Variants in MBD1 observed in about 807,000 individuals in gnomAD.
The protein encoded by MBD1 is methyl-CpG-binding domain protein 1.
A neutral mutation model predicts 82.6 loss-of-function variants in MBD1; 25 were observed. The observed-to-expected ratio is 0.30, with a 90% CI of 0.22 to 0.42. The LOEUF (loss-of-function observed/expected upper bound fraction) is 0.42. Ranked by LOEUF, MBD1 falls within the 10% of genes least tolerant of loss-of-function variation. MBD1 has a pLI of 1.00. For synonymous variants in MBD1, 301 were observed against 303.7 expected, an observed-to-expected ratio of 0.99 and a Z score of 0.09; for missense variants, 627 against 819.6, an observed-to-expected ratio of 0.76 and a Z score of 2.87.
At chr18:50,271,837 A>T (rs1428110206) in intron 15 of MBD1, among the ~76,000 whole-genome samples, 1 of 152,178 alleles carries the variant, frequency 6.6e-6, no homozygotes, top group Non-Finnish European at 1.5e-5. Context: ...TTGGCCAAGT[A>T]TAGATGAAAG....
intron 16 of MBD1, 94 bp downstream of exon 16, chr18:50,271,375 G>A (rs2035453248): frequency 1.2e-6 from 2 of 1,606,142 alleles, no homozygotes; most frequent in Admixed American, 1.7e-5. Context: ...TTTCCTCCTA[G>A]GGTTGATTCA....
At chr18:50,281,143 C>G in intron 1 of MBD1, 2 of 1,532,572 alleles carry the variant, frequency 1.3e-6, no homozygotes, top group Non-Finnish European at 1.7e-6. Flanking sequence ...CGTCCTCGTC[C>G]CAGGATCCCG....
intron 8 of MBD1, 51 bp downstream of exon 8, chr18:50,275,549 A>C (rs774630428): frequency 9.9e-6 from 16 of 1,613,812 alleles, no homozygotes; most frequent in African/African-American, 1.3e-5. Flanking sequence ...AAGCAGAGGC[A>C]GCGACGATTT....
chr18:50,274,932 C>T (rs367596013), intron 10 of MBD1, 45 bp downstream of exon 10: 46 of 1,596,186 alleles, frequency 2.9e-5, no homozygotes, highest in East Asian at 1.3e-4. Flanking sequence ...GTTAACCAAG[C>T]GTCCTGAGAT....
At chr18:50,277,970 T>A (rs1387040111) in intron 2 of MBD1, among the ~76,000 whole-genome samples, 2 of 152,226 alleles carry the variant, frequency 1.3e-5, no homozygotes. Context: ...AGTAATACAG[T>A]AATTCCCCCT....
downstream of MBD1, among the ~76,000 whole-genome samples, chr18:50,267,905 T>C (rs1161281411): frequency 6.6e-6 from 1 of 152,282 alleles, no homozygotes; most frequent in Non-Finnish European, 1.5e-5. Flanking sequence ...TTCCATTTCC[T>C]GAATTGCTGG....
chr18:50,269,866 G>T, intron 16 of MBD1, 48 bp from the exon 17 acceptor site: 1 of 905,204 alleles, frequency 1.1e-6, no homozygotes, highest in Non-Finnish European at 1.9e-6. Flanking sequence ...TACAGAGACT[G>T]TTTAACCAGC....
At chr18:50,277,515 G>A (rs896747042) in intron 2 of MBD1, among the ~76,000 whole-genome samples, 12 of 151,220 alleles carry the variant, frequency 7.9e-5, no homozygotes, top group African/African-American at 2.2e-4. Flanking sequence ...TTATATTTGT[G>A]TTATATATAT....
chr18:50,273,296 C>T (rs770988365), intron 13 of MBD1, 38 bp downstream of exon 13: 14 of 1,612,364 alleles, frequency 8.7e-6, no homozygotes, highest in Admixed American at 3.3e-5. Context: ...CAGACCACTC[C>T]GCTACGGCAC....
In MBD1 at chr18:50,275,158, G is replaced by C. The variant is rs767316018; in HGVS notation, c.880C>G (p.Pro294Ala). 4.3e-6 allele frequency: 7 copies of C among 1,614,130 alleles called. No individual in the cohort carries two copies. The highest frequency in any genetic ancestry group is 5.9e-6 in the Non-Finnish European group (7 of 1,180,008). The change falls in exon 9 of 17, where the codon CCA (proline) becomes GCA (alanine). Residue 294 changes from proline (P) to alanine (A), a missense_variant. Around this residue, in one of 6 missense-constraint regions of MBD1, gnomAD observed 228 missense variants for 318.1 expected, o/e 0.72. Transcript: ENST00000269468. Reference protein sequence around the residue: ...PGAQPLPPPPPSQSPEPTEPH... With the variant: ...PGAQPLPPPPASQSPEPTEPH... ...TCTGTGGGCTCTGGGGACTGTGATG[G>C]GGGTGGTGGAGGCAGTGGCTGGGCT...
At position 50,276,883 on chromosome 18, in the gene MBD1, T is replaced by C. The variant is rs1568247196; in HGVS notation, c.341A>G (p.Asp114Gly). 11 of 1,614,098 alleles carry C rather than the reference T, an allele frequency of 6.8e-6. No individual in the cohort carries two copies. Among genetic ancestry groups the C allele is most frequent in the Non-Finnish European group, 8.5e-6 (10 of 1,180,042 alleles). Reference sequence around the variant, plus strand: ...TGTGTCAGTGTCAGCCTTGGTCTCATCCCTCGGGGCCTCCTTCCTGACCTC... The same window carrying C: ...TGTGTCAGTGTCAGCCTTGGTCTCACCCCTCGGGGCCTCCTTCCTGACCTC... ...SGEVRKEAPR[D>G]ETKADTDTAP... Residue 114 changes from aspartate (D) to glycine (G), a missense_variant, in exon 4 of 17, where the codon GAT (aspartate) becomes GGT (glycine). Asp to Gly is a moderately conservative substitution (Grantham distance 94, BLOSUM62 -1). Coordinates refer to ENST00000269468, the MANE Select transcript of MBD1 (RefSeq NM_015846.4).
rs985981522 is a variant in MBD1, at chr18:50,274,064, G to A, written c.1146+122C>T. 4.8e-5 allele frequency: 69 copies of A among 1,433,902 alleles called. No individual in the cohort carries two copies. In the Admixed American group the frequency reaches 1.1e-3, roughly 23 times the overall value. 88.8% of individuals were successfully genotyped at this position (1,433,902 alleles called of 1,614,324 possible). On this transcript the variant is annotated intron_variant, in intron 11 of 16. Coordinates refer to ENST00000269468, the MANE Select transcript of MBD1 (RefSeq NM_015846.4). ...ACTCATTAAGCCAAGAACAATGTCT[G>A]TTAATCCTCAACCAAAGCTACTGCC...
chr18:50,274,861 G>C, intron 10 of MBD1, 116 bp downstream of exon 10: 1 of 1,045,988 alleles, frequency 9.6e-7, no homozygotes, highest in Admixed American at 2.0e-5. Flanking sequence ...TCCCATCCTA[G>C]GACCCATTAT....
chr18:50,268,131 C>T (rs2034145325), downstream of MBD1, among the ~76,000 whole-genome samples: 1 of 152,220 alleles, frequency 6.6e-6, no homozygotes, highest in African/African-American at 2.4e-5. Context: ...ATCTTCGAGT[C>T]CAACGGGCTC....
rs755700195 is a variant in MBD1, at chr18:50,273,370, C to A, written c.1548G>T (p.Leu516=). 6.2e-7 allele frequency: 1 copy of A among 1,614,218 alleles called. No individual in the cohort carries two copies. Among genetic ancestry groups the A allele is most frequent in the South Asian group, 1.1e-5 (1 of 91,090 alleles). The change falls in exon 13 of 17, where the codon CTG becomes CTT. Residue 516 remains leucine, a synonymous_variant. Coordinates refer to ENST00000269468, the MANE Select transcript of MBD1 (RefSeq NM_015846.4). ...AGCCAGGCACCAATACGGGAGAAGTCAGGACAGCTGTGCCTGGTGTCCACT... is the reference window on the plus strand; with the variant it reads ...AGCCAGGCACCAATACGGGAGAAGTAAGGACAGCTGTGCCTGGTGTCCACT... ...QDEWTPGTAV[L]TSPVLVPGCP...
chr18:50,279,693 C>T (rs2039457540), intron 2 of MBD1, 190 bp downstream of exon 2: 1 of 695,952 alleles, frequency 1.4e-6, no homozygotes, highest in Admixed American at 2.7e-5. Flanking sequence ...CACAAATGCA[C>T]TGTGAGTAGT....
Position 50,281,512 on chromosome 18 carries a change from T to G in MBD1, c.-175A>C. The G allele has an allele frequency of 1.7e-6, 1 of 579,104 alleles. No homozygotes were observed. The allele number at this position is 579,104 out of a possible 1,614,324, so 35.9% of individuals were successfully genotyped here. A position where few individuals can be genotyped will look rare whatever the true frequency, so the allele number is the denominator to read the frequency against. The stretch of plus-strand genomic sequence containing the variant: ...GCGGTAGCTGTCGCCTCCGCGGCTG[T>G]TCGTTGCTCCCGGAACCGGAAGTCC... On this transcript the variant is annotated 5_prime_UTR_variant, in exon 1 of 17. Transcript: ENST00000269468.
intron 10 of MBD1, among the ~76,000 whole-genome samples, chr18:50,274,597 C>G (rs1046152469): frequency 2.6e-5 from 4 of 152,302 alleles, no homozygotes; most frequent in African/African-American, 9.6e-5. Context: ...CTACAGTATC[C>G]ACTGCTGTAT....
chr18:50,270,089 G>T, intron 16 of MBD1: 2 of 1,598,016 alleles, frequency 1.3e-6, no homozygotes, highest in Non-Finnish European at 1.7e-6. Flanking sequence ...TTGGTTCCTG[G>T]GGGAAACAAA....
Sources: allele counts gnomAD v4.1 joint callset (sites outside exome capture counted in the v4.1 genomes callset), GRCh38; gene constraint gnomAD v4.1.1; regional missense constraint gnomAD v4.1.1; transcripts MANE v1.5; gene names NCBI Gene and HGNC (gene_info 2026-07-23, HGNC 2026-07-21).